Variants in STPG2 observed in about 807,000 individuals in gnomAD.
STPG2 encodes the protein sperm tail PG-rich repeat containing 2.
STPG2 carries 56 observed loss-of-function variants against 54.2 expected under a neutral mutation model. That is an observed-to-expected ratio of 1.03 (90% confidence interval 0.83 to 1.29). The LOEUF (loss-of-function observed/expected upper bound fraction) is 1.29. Among genes scored for constraint, STPG2 ranks in the 50% most tolerant of loss-of-function variants. The probability of loss-of-function intolerance (pLI) is 0.00; values close to 1 mark genes in which losing one functional copy is unlikely to be tolerated. For missense variants in STPG2, 596 were observed against 544.9 expected (o/e 1.09, Z -0.93); for synonymous variants, 200 against 181.8 (o/e 1.10, Z -0.81).
intron 7 of STPG2, among the ~76,000 whole-genome samples, chr4:97,968,049 CA>C (rs1270560246): frequency 1.3e-5 from 2 of 151,904 alleles, no homozygotes; most frequent in East Asian, 3.9e-4. Context: ...AAAAAACCTT[CA>C]AAAAATCAAT....
At chr4:97,748,881 C>A (rs1022741740) in intron 9 of STPG2, among the ~76,000 whole-genome samples, 12 of 151,544 alleles carry the variant, frequency 7.9e-5, no homozygotes, top group African/African-American at 2.9e-4. Flanking sequence ...GTTTTGCAGT[C>A]TTTAGAGTTT....
intron 9 of STPG2, among the ~76,000 whole-genome samples, chr4:97,793,368 T>TACACACAC (rs1483459576): frequency 1.5e-5 from 2 of 136,196 alleles, no homozygotes; most frequent in East Asian, 2.5e-4. Context: ...GAGTTTTATA[T>TACACACAC]ATACACACAC....
At chr4:97,623,961 C>G (rs1462122799) in intron 10 of STPG2, among the ~76,000 whole-genome samples, 1 of 152,168 alleles carries the variant, frequency 6.6e-6, no homozygotes, top group Non-Finnish European at 1.5e-5. Context: ...TTGCAAAGGA[C>G]ATAATCTCAT....
rs1444391254 is a variant in STPG2, at chr4:98,062,340, T to C, written c.612+43613A>G. Among the ~76,000 whole-genome samples, 6 of 152,198 alleles carry C rather than the reference T, an allele frequency of 3.9e-5. No individual in the cohort carries two copies. In the East Asian group the frequency reaches 9.7e-4, roughly 24 times the overall value. ...GAGGGAAAGGAGCAGAAAAGACAACTATTGGGTACTGGGCTTAATTCCTAG... is the reference window on the plus strand; with the variant it reads ...GAGGGAAAGGAGCAGAAAAGACAACCATTGGGTACTGGGCTTAATTCCTAG... On this transcript the variant is annotated intron_variant, in intron 5 of 10. Coordinates refer to ENST00000295268, the MANE Select transcript of STPG2 (RefSeq NM_174952.3).
At chr4:97,689,484 C>G (rs780994856) in intron 10 of STPG2, among the ~76,000 whole-genome samples, 2 of 151,908 alleles carry the variant, frequency 1.3e-5, no homozygotes, top group Non-Finnish European at 2.9e-5. Flanking sequence ...GTGATACTTG[C>G]GATTTTGTAT....
At chr4:98,019,568 C>A (rs1211523934) in intron 5 of STPG2, among the ~76,000 whole-genome samples, 1 of 151,702 alleles carries the variant, frequency 6.6e-6, no homozygotes, top group Non-Finnish European at 1.5e-5. Context: ...GCATTGGTAG[C>A]TTGATGGGGA....
chr4:98,048,869 G>A, intron 5 of STPG2: 1 of 156,624 alleles, frequency 6.4e-6, no homozygotes, highest in Non-Finnish European at 1.4e-5. Flanking sequence ...AAAGACTACA[G>A]AGGAAATTTT....
At chr4:98,022,416 G>C (rs1383063911) in intron 5 of STPG2, among the ~76,000 whole-genome samples, 1 of 152,118 alleles carries the variant, frequency 6.6e-6, no homozygotes, top group Non-Finnish European at 1.5e-5. Flanking sequence ...TCCCTTTGTG[G>C]GTAACGTGAC....
intron 10 of STPG2, chr4:97,633,676 C>G (rs1240236350): frequency 6.5e-6 from 1 of 152,924 alleles, no homozygotes; most frequent in Non-Finnish European, 1.5e-5. Context: ...CATTGCCTCA[C>G]TCGGGAAGCG....
At chr4:97,478,748 T>TA (rs537459006) in intron 4 of STPG2, among the ~76,000 whole-genome samples, 16 of 151,788 alleles carry the variant, frequency 1.1e-4, no homozygotes, top group African/African-American at 2.4e-4. Flanking sequence ...TCAAAATGAC[T>TA]AAAAAAAATG....
At chr4:97,529,271 T>A (rs1297332004) in intron 4 of STPG2, among the ~76,000 whole-genome samples, 3 of 152,216 alleles carry the variant, frequency 2.0e-5, no homozygotes, top group Non-Finnish European at 4.4e-5. Flanking sequence ...TCTGTTCATG[T>A]GTTGGATTAC....
chr4:97,537,859 G>A (rs780996896), intron 4 of STPG2, among the ~76,000 whole-genome samples: 19 of 152,096 alleles, frequency 1.2e-4, no homozygotes, highest in Non-Finnish European at 2.4e-4. Flanking sequence ...CCAGAGGAAC[G>A]ATCAGACAGC....
chr4:97,983,631 C>T (rs757797285), intron 5 of STPG2, among the ~76,000 whole-genome samples: 6 of 152,166 alleles, frequency 3.9e-5, no homozygotes, highest in Non-Finnish European at 5.9e-5. Flanking sequence ...TAAAATGTTA[C>T]ACTGTCCTCT....
chr4:97,805,852 AT>A (rs1216813450), intron 9 of STPG2, among the ~76,000 whole-genome samples: 2 of 151,844 alleles, frequency 1.3e-5, no homozygotes, highest in East Asian at 1.9e-4. Context: ...AAAAAAAAAA[AT>A]AGATGCTGGC....
At chr4:97,588,902 A>G (rs913740565) in intron 10 of STPG2, among the ~76,000 whole-genome samples, 1 of 152,072 alleles carries the variant, frequency 6.6e-6, no homozygotes, top group East Asian at 1.9e-4. Flanking sequence ...CTTAGCATTT[A>G]ATTTGTATAG....
chr4:97,456,280 G>T (rs1045889871), intron 4 of STPG2, among the ~76,000 whole-genome samples: 3 of 152,232 alleles, frequency 2.0e-5, no homozygotes, highest in African/African-American at 7.2e-5. Context: ...AATCATGGCG[G>T]AAAGCAAAGG....
intron 10 of STPG2, among the ~76,000 whole-genome samples, chr4:97,657,994 G>A (rs922259075): frequency 6.6e-6 from 1 of 152,184 alleles, no homozygotes; most frequent in South Asian, 2.1e-4. Context: ...TGCATAAAAT[G>A]ATGAGATTTT....
At chr4:97,870,033 T>G (rs1729930905) in intron 8 of STPG2, among the ~76,000 whole-genome samples, 1 of 151,582 alleles carries the variant, frequency 6.6e-6, no homozygotes, top group Non-Finnish European at 1.5e-5. Context: ...TTATTTCTCC[T>G]TATGTGCTAA....
intron 5 of STPG2, among the ~76,000 whole-genome samples, chr4:98,074,776 T>C (rs1259844657): frequency 6.6e-6 from 1 of 152,218 alleles, no homozygotes; most frequent in African/African-American, 2.4e-5. Flanking sequence ...CTAAAATCTG[T>C]TTGATGTTTT....
Sources: gnomAD v4.1 joint callset for allele counts (sites outside exome capture counted in the v4.1 genomes callset) on GRCh38, gnomAD v4.1.1 for gene constraint, MANE v1.5 for transcripts, NCBI Gene and HGNC (gene_info 2026-07-23, HGNC 2026-07-21) for gene names.